Variants in CD200R1L observed in about 807,000 individuals in gnomAD.
CD200R1L encodes CD200 receptor 1 like.
Under a neutral mutation model 24.8 loss-of-function variants are expected in CD200R1L, and 14 were observed. That is an observed-to-expected ratio of 0.56 (90% CI 0.37 to 0.88). The LOEUF (loss-of-function observed/expected upper bound fraction) is 0.88. Among genes scored for constraint, CD200R1L ranks in the 40% least tolerant of loss-of-function variants. CD200R1L has a pLI of 0.00. For synonymous variants in CD200R1L, 111 were observed against 109.2 expected, an observed-to-expected ratio of 1.02 and a Z score of -0.11; for missense variants, 299 against 297.8, an observed-to-expected ratio of 1.00 and a Z score of -0.03.
chr3:112,841,771 C>A (rs551482472), intron 2 of CD200R1L, among the ~76,000 whole-genome samples: 3 of 152,218 alleles, frequency 2.0e-5, no homozygotes, highest in East Asian at 1.9e-4. Flanking sequence ...GCAGTTTGGC[C>A]CCCCCGGAAC....
chr3:112,846,015 C>A, intron 1 of CD200R1L, 65 bp from the exon 2 acceptor site: 1 of 342,504 alleles, frequency 2.9e-6, no homozygotes, highest in Non-Finnish European at 5.3e-6. Flanking sequence ...ATTGAAGTAG[C>A]AAGATAAACT....
intron 3 of CD200R1L, among the ~76,000 whole-genome samples, chr3:112,832,404 A>G (rs1009674295): frequency 6.6e-6 from 1 of 152,224 alleles, no homozygotes; most frequent in African/African-American, 2.4e-5. Context: ...CTTGCAGACC[A>G]TCTTGTTGAT....
At chr3:112,823,328 T>G (rs956497036) in intron 6 of CD200R1L, among the ~76,000 whole-genome samples, 1 of 152,216 alleles carries the variant, frequency 6.6e-6, no homozygotes, top group African/African-American at 2.4e-5. Flanking sequence ...TTATTAAACC[T>G]GACAAGGGAA....
intron 3 of CD200R1L, among the ~76,000 whole-genome samples, chr3:112,837,724 C>G (rs771273859): frequency 1.4e-5 from 2 of 146,366 alleles, no homozygotes; most frequent in African/African-American, 2.8e-5. Flanking sequence ...AAGTTTTCTT[C>G]TTTTTAGCTT....
At chr3:112,840,435 C>G (rs1443771738) in intron 2 of CD200R1L, among the ~76,000 whole-genome samples, 2 of 152,148 alleles carry the variant, frequency 1.3e-5, no homozygotes, top group Non-Finnish European at 2.9e-5. Context: ...TTTAAACAAC[C>G]AGATCTCATA....
At chr3:112,816,646 C>T (rs1240905844) in intron 7 of CD200R1L, among the ~76,000 whole-genome samples, 2 of 152,126 alleles carry the variant, frequency 1.3e-5, no homozygotes, top group Admixed American at 1.3e-4. Flanking sequence ...TGTGTCCTCA[C>T]CCAAATTTCA....
intron 2 of CD200R1L, among the ~76,000 whole-genome samples, chr3:112,842,010 G>C (rs189645536): frequency 6.6e-6 from 1 of 152,234 alleles, no homozygotes; most frequent in Non-Finnish European, 1.5e-5. Context: ...TAAGGGTTTA[G>C]CCTGTTGGCC....
At chr3:112,839,060 T>TAC (rs986922661) in intron 2 of CD200R1L, among the ~76,000 whole-genome samples, 29 of 151,478 alleles carry the variant, frequency 1.9e-4, no homozygotes, top group Non-Finnish European at 4.1e-4. Context: ...CACACACACA[T>TAC]ACACACACAC....
intron 7 of CD200R1L, 127 bp downstream of exon 7, chr3:112,819,645 G>A (rs1482483843): frequency 1.1e-6 from 1 of 944,332 alleles, no homozygotes; most frequent in Non-Finnish European, 1.5e-6. Context: ...TAAAGAAGGG[G>A]CTGGAGGGAG....
chr3:112,846,599 T>G (rs1319215844), intron 1 of CD200R1L, 26 bp downstream of exon 1: 1 of 152,220 alleles, frequency 6.6e-6, no homozygotes, highest in Admixed American at 6.5e-5. Flanking sequence ...CCAACATTTA[T>G]TTGTTGAAAT....
At chr3:112,845,569 TG>T (rs1237689205) in intron 2 of CD200R1L, 109 bp downstream of exon 2, 1 of 886,432 alleles carries the variant, frequency 1.1e-6, no homozygotes, top group African/African-American at 1.7e-5. Flanking sequence ...TTATCACTGC[TG>T]CTAGGACAAG....
chr3:112,818,669 G>A lies in CD200R1L; in HGVS notation c.740+1103C>T, dbSNP rs148962704. 666 of 154,262 alleles carry A rather than the reference G, an allele frequency of 4.3e-3. 15 individuals are homozygous for A. The highest frequency in any genetic ancestry group is 0.04 in the Admixed American group (612 of 15,304). The allele number at this position is 154,262 out of a possible 1,614,324, so 9.6% of individuals were successfully genotyped here. On this transcript the variant is annotated intron_variant, in intron 7 of 7. Transcript: ENST00000488794. ...AGCTGTGAGGAAAGCACCATTTAAA[G>A]CACCCAAAGGGTGTATAAAAACTGC...
At chr3:112,824,749 A>G (rs1380321507) in intron 6 of CD200R1L, among the ~76,000 whole-genome samples, 2 of 152,202 alleles carry the variant, frequency 1.3e-5, no homozygotes, top group African/African-American at 2.4e-5. Context: ...TTACAGGGCT[A>G]TGGAGGTGCT....
intron 3 of CD200R1L, chr3:112,829,700 A>C (rs949965826): frequency 5.3e-6 from 1 of 189,700 alleles, no homozygotes; most frequent in African/African-American, 2.4e-5. Flanking sequence ...AGATGGGTCC[A>C]TGTGGGCATC....
intron 2 of CD200R1L, among the ~76,000 whole-genome samples, chr3:112,844,398 G>A (rs940026125): frequency 1.3e-5 from 2 of 152,134 alleles, no homozygotes; most frequent in Non-Finnish European, 2.9e-5. Context: ...GCATGTCTCT[G>A]AAAACTATAC....
intron 6 of CD200R1L, among the ~76,000 whole-genome samples, chr3:112,820,215 C>T (rs931107180): frequency 6.6e-6 from 1 of 152,164 alleles, no homozygotes. Flanking sequence ...ATTCCAACTT[C>T]CCATGCAAAT....
Position 112,820,003 on chromosome 3 carries a change from CTG to C in CD200R1L, c.617-110_617-109del, listed in dbSNP as rs370393440. The C allele has an allele frequency of 1.4e-3, 1,350 of 992,410 alleles. 26 individuals are homozygous for C. The South Asian group carries it at 0.026, about 19-fold the overall frequency. The allele number at this position is 992,410 out of a possible 1,614,324, so 61.5% of individuals were successfully genotyped here. ...TAAAATATTCTTAAGAGTTCATGGACTGTCATAATCATAAAACCTTCTAAATT... is the reference window on the plus strand; with the variant it reads ...TAAAATATTCTTAAGAGTTCATGGACTCATAATCATAAAACCTTCTAAATT... On this transcript the variant is annotated intron_variant, in intron 6 of 7. Coordinates refer to ENST00000488794, the MANE Select transcript of CD200R1L (RefSeq NM_001199215.3).
At chr3:112,832,192 A>G (rs905918411) in intron 3 of CD200R1L, among the ~76,000 whole-genome samples, 1 of 152,188 alleles carries the variant, frequency 6.6e-6, no homozygotes, top group Non-Finnish European at 1.5e-5. Flanking sequence ...GGTTATTTGA[A>G]TACTAATCTG....
intron 1 of CD200R1L, among the ~76,000 whole-genome samples, chr3:112,846,366 T>C (rs1939201547): frequency 1.3e-5 from 2 of 152,270 alleles, no homozygotes; most frequent in African/African-American, 4.8e-5. Flanking sequence ...TCAATAACTA[T>C]ATCACAATTT....
Sources: gnomAD v4.1 joint callset for allele counts (sites outside exome capture counted in the v4.1 genomes callset) on GRCh38, gnomAD v4.1.1 for gene constraint, MANE v1.5 for transcripts, NCBI Gene and HGNC (gene_info 2026-07-23, HGNC 2026-07-21) for gene names.